The following VAC14 variants were observed in gnomAD, a reference collection of about 807,000 sequenced individuals.
The protein encoded by VAC14 is VAC14 component of PIKFYVE complex.
VAC14 carries 47 observed loss-of-function variants against 85.3 expected under a neutral mutation model. The ratio of observed to expected loss-of-function variants is 0.55; its 90% CI spans 0.44 to 0.70. VAC14 has a LOEUF of 0.70. VAC14 is among the 30% of genes least tolerant of loss of function. The pLI is 0.00. For synonymous variants in VAC14, 447 were observed against 430.5 expected, an observed-to-expected ratio of 1.04 and a Z score of -0.47; for missense variants, 861 against 1,004.3, an observed-to-expected ratio of 0.86 and a Z score of 1.93.
At chr16:70,713,321 C>T (rs918360382) in intron 14 of VAC14, among the ~76,000 whole-genome samples, 5 of 152,216 alleles carry the variant, frequency 3.3e-5, no homozygotes, top group African/African-American at 7.2e-5. Flanking sequence ...CTATGACGGG[C>T]GCGCTGCAGC....
intron 14 of VAC14, among the ~76,000 whole-genome samples, chr16:70,718,524 A>T: frequency 6.6e-6 from 1 of 151,722 alleles, no homozygotes; most frequent in East Asian, 1.9e-4. Flanking sequence ...CAGTGAGACA[A>T]GATTGCGCCA....
intron 14 of VAC14, chr16:70,716,418 T>C (rs1362270858): frequency 6.6e-6 from 1 of 152,326 alleles, no homozygotes; most frequent in Non-Finnish European, 1.5e-5. Flanking sequence ...CCAGCCCCTA[T>C]AAGATGTTCC....
intron 12 of VAC14, among the ~76,000 whole-genome samples, chr16:70,755,836 G>A (rs2031797970): frequency 6.6e-6 from 1 of 152,228 alleles, no homozygotes; most frequent in Non-Finnish European, 1.5e-5. Context: ...ACTGAGGGAT[G>A]GCAGTAACAG....
chr16:70,773,876 C>A (rs188942973), intron 9 of VAC14, among the ~76,000 whole-genome samples: 100 of 152,084 alleles, frequency 6.6e-4, no homozygotes, highest in African/African-American at 2.2e-3. Context: ...GAGATTGAGC[C>A]CACCTCAGCT....
intron 5 of VAC14, among the ~76,000 whole-genome samples, 172 bp downstream of exon 5, chr16:70,783,941 T>C (rs1253457102): frequency 6.6e-6 from 1 of 152,100 alleles, no homozygotes; most frequent in Non-Finnish European, 1.5e-5. Context: ...AGGGCCAACA[T>C]GGTGGGTTTC....
intron 14 of VAC14, among the ~76,000 whole-genome samples, chr16:70,707,886 G>C (rs906335783): frequency 9.2e-5 from 14 of 151,824 alleles, no homozygotes; most frequent in African/African-American, 3.1e-4. Flanking sequence ...TGCCTCCTGG[G>C]TTCAAGTGAT....
At chr16:70,732,475 A>G (rs3743988) in intron 13 of VAC14, among the ~76,000 whole-genome samples, 14,905 of 152,064 alleles carry the variant, frequency 0.098, 721 homozygotes, top group Middle Eastern at 0.2. Context: ...CACCAAGGGG[A>G]CAAGGGAAAG....
At chr16:70,777,137 G>T (rs1333745195) in intron 9 of VAC14, among the ~76,000 whole-genome samples, 1 of 151,900 alleles carries the variant, frequency 6.6e-6, no homozygotes, top group African/African-American at 2.4e-5. Context: ...TAGAGACGGG[G>T]TTTCACCATG....
At chr16:70,691,403 AT>A in intron 18 of VAC14, 4 of 985,352 alleles carry the variant, frequency 4.1e-6, no homozygotes, top group Non-Finnish European at 4.8e-6. Flanking sequence ...CCCTAACACT[AT>A]GGGGCGTTGA....
chr16:70,758,676 T>G (rs931984309), intron 12 of VAC14, among the ~76,000 whole-genome samples: 1 of 152,070 alleles, frequency 6.6e-6, no homozygotes, highest in Admixed American at 6.5e-5. Context: ...AGCCAACAAC[T>G]GGCATCTTCT....
intron 14 of VAC14, among the ~76,000 whole-genome samples, chr16:70,720,480 G>T (rs558761273): frequency 1.3e-5 from 2 of 152,310 alleles, no homozygotes; most frequent in Admixed American, 1.3e-4. Flanking sequence ...GCTTCCCGGG[G>T]AGACGGCAAG....
In VAC14 at chr16:70,788,169, C is replaced by G. The variant is rs1460756648; in HGVS notation, c.105-1804G>C. Among the ~76,000 whole-genome samples, 4 of 152,326 alleles carry G rather than the reference C, an allele frequency of 2.6e-5. No individual in the cohort carries two copies. The East Asian group carries it at 5.8e-4, about 22-fold the overall frequency. On this transcript the variant is annotated intron_variant, in intron 1 of 18. Transcript: ENST00000261776. ...TGTGTGGTTCCAGCTCAGGAGCTTTCTAATAGTTAGAGCTGGGACTTTCTA... is the reference window on the plus strand; with the variant it reads ...TGTGTGGTTCCAGCTCAGGAGCTTTGTAATAGTTAGAGCTGGGACTTTCTA...
rs763889868 is a variant in VAC14 at position 70,687,962 on chromosome 16, C to T, written c.2315G>A (p.Arg772His). The change falls in exon 19 of 19, where the codon CGT (arginine) becomes CAT (histidine). Residue 772 changes from arginine to histidine, a missense_variant. By Grantham distance (29) the Arg-to-His change is conservative. Coordinates refer to ENST00000261776, the MANE Select transcript of VAC14 (RefSeq NM_018052.5). ...AACCCTCCGGTCCAGGTGGTCCCCACGCCCGCTCCGCTGGTGCCGCACTTC... is the reference window on the plus strand; with the variant it reads ...AACCCTCCGGTCCAGGTGGTCCCCATGCCCGCTCCGCTGGTGCCGCACTTC... ...HLEVRHQRSG[R>H]GDHLDRRVVL is the part of the protein sequence containing the mutation. 68 of 1,587,030 alleles carry T rather than the reference C, an allele frequency of 4.3e-5. No homozygotes were observed. The highest frequency in any genetic ancestry group is 5.4e-5 in the Non-Finnish European group (63 of 1,164,512).
intron 10 of VAC14, chr16:70,768,645 G>T: frequency 3.0e-6 from 1 of 337,394 alleles, no homozygotes; most frequent in South Asian, 2.1e-5. Flanking sequence ...GATGAGGGAG[G>T]GGGAAGACAG....
At chr16:70,696,046 G>A (rs1332890962) in intron 16 of VAC14, among the ~76,000 whole-genome samples, 1 of 152,244 alleles carries the variant, frequency 6.6e-6, no homozygotes, top group Admixed American at 6.5e-5. Context: ...AGGGAAGCAG[G>A]CACACTGTGG....
intron 13 of VAC14, among the ~76,000 whole-genome samples, chr16:70,739,817 G>A (rs777546966): frequency 6.6e-6 from 1 of 152,194 alleles, no homozygotes; most frequent in Non-Finnish European, 1.5e-5. Flanking sequence ...TGAAGATGCT[G>A]CTGACATTTG....
At chr16:70,702,135 C>A (rs1324902678) in intron 14 of VAC14, among the ~76,000 whole-genome samples, 1 of 152,252 alleles carries the variant, frequency 6.6e-6, no homozygotes, top group Non-Finnish European at 1.5e-5. Flanking sequence ...CCAGCGCATT[C>A]TCTCTGTTCA....
At chr16:70,788,404 G>A in intron 1 of VAC14, among the ~76,000 whole-genome samples, 1 of 152,228 alleles carries the variant, frequency 6.6e-6, no homozygotes, top group East Asian at 1.9e-4. Context: ...GGATGCTTCA[G>A]GAAGGAGCTG....
chr16:70,722,171 T>C (rs2054310111), intron 14 of VAC14, among the ~76,000 whole-genome samples: 1 of 152,132 alleles, frequency 6.6e-6, no homozygotes, highest in Non-Finnish European at 1.5e-5. Flanking sequence ...TACAGAAAAC[T>C]CCCTCATCCA....
Sources: allele counts gnomAD v4.1 joint callset (sites outside exome capture counted in the v4.1 genomes callset), GRCh38; gene constraint gnomAD v4.1.1; transcripts MANE v1.5; gene names NCBI Gene and HGNC (gene_info 2026-07-23, HGNC 2026-07-21).